Variants in P4HA1 observed in about 807,000 individuals in gnomAD.
The protein encoded by P4HA1 is prolyl 4-hydroxylase subunit alpha 1, also known as prolyl 4-hydroxylase subunit alpha-1.
A neutral mutation model predicts 72.8 loss-of-function variants in P4HA1; 24 were observed. The observed-to-expected ratio is 0.33, with a 90% CI of 0.24 to 0.46. P4HA1 has a LOEUF of 0.46. Among genes scored for constraint, P4HA1 ranks in the 20% least tolerant of loss-of-function variants. The probability of loss-of-function intolerance (pLI) is 1.00; values close to 1 mark genes in which losing one functional copy is unlikely to be tolerated. For synonymous variants in P4HA1, 201 were observed against 218.8 expected, an observed-to-expected ratio of 0.92 and a Z score of 0.72; for missense variants, 446 against 640.6, an observed-to-expected ratio of 0.70 and a Z score of 3.28.
chr10:73,045,641 G>A (rs1210838930), intron 8 of P4HA1, among the ~76,000 whole-genome samples: 1 of 151,994 alleles, frequency 6.6e-6, no homozygotes, highest in Admixed American at 6.6e-5. Context: ...GCAAGAAAGA[G>A]GTGACCGCCT....
At chr10:73,085,876 C>CT (rs371372813) in intron 1 of P4HA1, among the ~76,000 whole-genome samples, 4 of 152,162 alleles carry the variant, frequency 2.6e-5, no homozygotes, top group African/African-American at 9.7e-5. Flanking sequence ...GCCTGTAGTT[C>CT]TATCTACTTG....
intron 7 of P4HA1, among the ~76,000 whole-genome samples, chr10:73,048,437 G>A (rs1209701509): frequency 6.6e-6 from 1 of 152,008 alleles, no homozygotes; most frequent in Non-Finnish European, 1.5e-5. Context: ...CTAACTTTTT[G>A]TATTTTTAGT....
intron 12 of P4HA1, among the ~76,000 whole-genome samples, chr10:73,011,929 TA>T (rs1412505410): frequency 6.6e-6 from 1 of 152,038 alleles, no homozygotes; most frequent in East Asian, 1.9e-4. Context: ...GATAAATACA[TA>T]ACTAATAGTA....
intron 5 of P4HA1, among the ~76,000 whole-genome samples, chr10:73,063,682 G>A (rs1038217469): frequency 2.6e-5 from 4 of 152,092 alleles, no homozygotes; most frequent in African/African-American, 7.2e-5. Flanking sequence ...ATTAATCCAC[G>A]CAGATAGCAC....
At chr10:73,044,062 T>C (rs963371587) in intron 9 of P4HA1, 12 of 683,782 alleles carry the variant, frequency 1.8e-5, no homozygotes, top group East Asian at 1.4e-4. Context: ...AGGGTTCAGA[T>C]TGGTCTGGAT....
intron 1 of P4HA1, among the ~76,000 whole-genome samples, chr10:73,092,827 G>C (rs185427759): frequency 2.6e-5 from 4 of 151,966 alleles, no homozygotes; most frequent in South Asian, 2.1e-4. Flanking sequence ...TGTCCAACAA[G>C]AGAGTAAGGA....
At chr10:73,041,881 C>G (rs1840744921) in intron 9 of P4HA1, among the ~76,000 whole-genome samples, 1 of 151,388 alleles carries the variant, frequency 6.6e-6, no homozygotes, top group Admixed American at 6.6e-5. Flanking sequence ...GTCACCCTGG[C>G]TGGAGTGCAG....
intron 1 of P4HA1, among the ~76,000 whole-genome samples, chr10:73,081,056 C>T (rs1554843035): frequency 6.6e-6 from 1 of 152,284 alleles, no homozygotes; most frequent in South Asian, 2.1e-4. Context: ...TCCCAAAAGA[C>T]ATTATGACTT....
At chr10:73,094,997 AC>A (rs1240578183) in intron 1 of P4HA1, among the ~76,000 whole-genome samples, 1 of 152,122 alleles carries the variant, frequency 6.6e-6, no homozygotes, top group African/African-American at 2.4e-5. Flanking sequence ...AAACAGCACT[AC>A]CCATTTAAAA....
chr10:73,040,328 A>T (rs980640831), intron 9 of P4HA1, among the ~76,000 whole-genome samples: 3 of 151,602 alleles, frequency 2.0e-5, no homozygotes, highest in Non-Finnish European at 4.4e-5. Context: ...TTTTTTTTTT[A>T]AGTGTATAGA....
rs747755126 is a variant in P4HA1 at position 73,039,338 on chromosome 10, G to A, written c.1148+5643C>T. Among the ~76,000 whole-genome samples the A allele has an allele frequency of 5.0e-4, 75 of 151,382 alleles. 2 individuals carry two copies. Among genetic ancestry groups the A allele is most frequent in the Admixed American group, 1.3e-3 (20 of 15,212 alleles). On this transcript the variant is annotated intron_variant, in intron 9 of 14. Coordinates refer to ENST00000394890, the MANE Select transcript of P4HA1 (RefSeq NM_001017962.3). ...TGGGTTTGTTTGTTTTTTGAGTCTC[G>A]CTCTGTTGCCCAGGCTGGAGTGCAG...
At chr10:73,082,478 C>CT (rs1226662377) in intron 1 of P4HA1, 4 of 152,218 alleles carry the variant, frequency 2.6e-5, no homozygotes, top group African/African-American at 9.6e-5. Context: ...CTAAAGAGTG[C>CT]TTGATATTCT....
chr10:73,090,791 T>C (rs996860972), intron 1 of P4HA1, among the ~76,000 whole-genome samples: 8 of 152,114 alleles, frequency 5.3e-5, no homozygotes, highest in African/African-American at 1.9e-4. Context: ...CCAGGTGCGG[T>C]GGCTCATGCC....
At chr10:73,070,935 G>A (rs183380438) in intron 4 of P4HA1, among the ~76,000 whole-genome samples, 38 of 152,216 alleles carry the variant, frequency 2.5e-4, no homozygotes, top group Admixed American at 2.0e-3. Flanking sequence ...AATCCCTAGC[G>A]CTGTGGGAGG....
chr10:73,014,191 C>A (rs1205837414), intron 12 of P4HA1, 33 bp downstream of exon 12: 1 of 1,413,254 alleles, frequency 7.1e-7, no homozygotes, highest in South Asian at 1.2e-5. Flanking sequence ...CATCAAATCC[C>A]AACTTAATCT....
intron 1 of P4HA1, among the ~76,000 whole-genome samples, chr10:73,086,316 A>C (rs761386180): frequency 1.8e-4 from 28 of 152,256 alleles, no homozygotes; most frequent in Non-Finnish European, 3.8e-4. Context: ...AGTGTGGTCT[A>C]TCCGTACAAT....
In P4HA1 at chr10:73,015,690, G is replaced by A. The variant is rs551268649; in HGVS notation, c.1302+1156C>T. 3.9e-5 allele frequency among the ~76,000 whole-genome samples: 6 copies of A among 152,288 alleles called. No individual in the cohort carries two copies. The East Asian group carries it at 1.2e-3, about 29-fold the overall frequency. On this transcript the variant is annotated intron_variant, in intron 11 of 14. Coordinates refer to ENST00000394890, the MANE Select transcript of P4HA1 (RefSeq NM_001017962.3). ...CTGTGGCAGATCCTCCTCTTACAGAGCTGTTATTCCCAAAGCTCTAGTTCC... is the reference window on the plus strand; with the variant it reads ...CTGTGGCAGATCCTCCTCTTACAGAACTGTTATTCCCAAAGCTCTAGTTCC...
intron 14 of P4HA1, among the ~76,000 whole-genome samples, chr10:73,009,031 T>C (rs1185217095): frequency 1.3e-5 from 2 of 152,130 alleles, no homozygotes; most frequent in South Asian, 2.1e-4. Flanking sequence ...ATCTCCCACT[T>C]AGACAACAGA....
At position 73,075,742 on chromosome 10, in the gene P4HA1, A is replaced by AGT. The variant is rs531577086; in HGVS notation, c.-32-829_-32-828dup. Among the ~76,000 whole-genome samples the AGT allele has an allele frequency of 9.7e-3, 1,435 of 147,842 alleles. 4 individuals carry two copies. Among genetic ancestry groups the AGT allele is most frequent in the Non-Finnish European group, 0.011 (746 of 67,100 alleles). On this transcript the variant is annotated intron_variant, in intron 1 of 14. Coordinates refer to ENST00000394890, the MANE Select transcript of P4HA1 (RefSeq NM_001017962.3). ...TCATATATATTTTATATATATATAT[A>AGT]GTGTGTGTGTGTGTGTGTATGTGTG... is the stretch of plus-strand genomic sequence containing the variant.
Sources: gnomAD v4.1 joint callset for allele counts (sites outside exome capture counted in the v4.1 genomes callset) on GRCh38, gnomAD v4.1.1 for gene constraint, MANE v1.5 for transcripts, NCBI Gene and HGNC (gene_info 2026-07-23, HGNC 2026-07-21) for gene names.